Variants in UNC13A observed in about 807,000 individuals in gnomAD.
UNC13A encodes the protein unc-13 homolog A.
A neutral mutation model predicts 219.7 loss-of-function variants in UNC13A; 61 were observed. The ratio of observed to expected loss-of-function variants is 0.28; its 90% CI spans 0.23 to 0.34. The LOEUF (loss-of-function observed/expected upper bound fraction) is 0.34. UNC13A is among the 10% of genes least tolerant of loss of function. The probability of loss-of-function intolerance (pLI) is 1.00; values close to 1 mark genes in which losing one functional copy is unlikely to be tolerated. For missense variants in UNC13A, 1,476 were observed against 2,270.3 expected (o/e 0.65, Z 7.11); for synonymous variants, 920 against 884.6 (o/e 1.04, Z -0.71).
chr19:17,642,968 G>A lies in UNC13A; in HGVS notation c.2357-8C>T. On this transcript the variant is annotated splice_region_variant and splice_polypyrimidine_tract_variant and intron_variant, in intron 19 of 43. Coordinates refer to ENST00000519716, the MANE Select transcript of UNC13A (RefSeq NM_001080421.3). Reference sequence around the variant, plus strand: ...ATTTGTCAGTTCGCTTGTCTGCAGGGCAGAAAAAGAAGACAGTGTCAGAAC... The same window carrying A: ...ATTTGTCAGTTCGCTTGTCTGCAGGACAGAAAAAGAAGACAGTGTCAGAAC... The A allele has an allele frequency of 6.3e-7, 1 of 1,594,408 alleles. No individual in the cohort carries two copies. The highest frequency in any genetic ancestry group is 8.5e-7 in the Non-Finnish European group (1 of 1,169,956).
intron 11 of UNC13A, 67 bp downstream of exon 11, chr19:17,655,207 G>T: frequency 7.4e-7 from 1 of 1,343,478 alleles, no homozygotes; most frequent in Non-Finnish European, 1.0e-6. Flanking sequence ...GCCAAAACAT[G>T]TGTGGGCCTG....
In UNC13A at chr19:17,688,302, G is replaced by A; in HGVS notation, c.-103C>T. 1 of 1,341,288 alleles carries A rather than the reference G, an allele frequency of 7.5e-7. No individual in the cohort carries two copies. The highest frequency in any genetic ancestry group is 9.6e-7 in the Non-Finnish European group (1 of 1,046,216). 83.1% of individuals were successfully genotyped at this position (1,341,288 alleles called of 1,614,324 possible). On this transcript the variant is annotated 5_prime_UTR_variant, in exon 1 of 44. Transcript: ENST00000519716. ...CATCTCCCGGCTGCAGCCCGCGCTT[G>A]GCTCACGCCGGGGCCCGGCCGCCAC...
chr19:17,667,088 T>G (rs1211647846), intron 6 of UNC13A, among the ~76,000 whole-genome samples: 1 of 151,978 alleles, frequency 6.6e-6, no homozygotes, highest in Non-Finnish European at 1.5e-5. Flanking sequence ...CCGTCTCTAC[T>G]AAAAATACAA....
intron 8 of UNC13A, among the ~76,000 whole-genome samples, chr19:17,662,248 A>G (rs2079563714): frequency 6.6e-6 from 1 of 151,570 alleles, no homozygotes; most frequent in Non-Finnish European, 1.5e-5. Flanking sequence ...TCTGTTTCAA[A>G]AAAAAAAAAA....
chr19:17,659,221 T>G (rs1324050328), intron 8 of UNC13A, among the ~76,000 whole-genome samples: 1 of 152,028 alleles, frequency 6.6e-6, no homozygotes, highest in African/African-American at 2.4e-5. Context: ...GGCGGGCAGA[T>G]TACTTGAGGC....
intron 25 of UNC13A, 46 bp from the exon 26 acceptor site, chr19:17,636,203 G>T (rs2076912090): frequency 1.3e-6 from 2 of 1,539,256 alleles, no homozygotes; most frequent in East Asian, 2.4e-5. Context: ...TCCAGAGGTT[G>T]GTGCCTCGGT....
chr19:17,622,106 A>AAGATACAG (rs1275018182), intron 36 of UNC13A, among the ~76,000 whole-genome samples: 1 of 152,058 alleles, frequency 6.6e-6, no homozygotes, highest in Admixed American at 6.6e-5. Flanking sequence ...AAGAGAGAGA[A>AAGATACAG]AGATACAGAT....
rs745567829 is a variant in UNC13A, at chr19:17,601,775, G to A, written c.*4279C>T. ...ATGGCTGGACGGGGGTAAGGGGTGG[G>A]GTGTTACTTGACACAGTCAACTTGA... is the stretch of plus-strand genomic sequence containing the variant. On this transcript the variant is annotated 3_prime_UTR_variant, in exon 44 of 44. Coordinates refer to ENST00000519716, the MANE Select transcript of UNC13A (RefSeq NM_001080421.3). 2.0e-5 allele frequency: 3 copies of A among 152,484 alleles called. No homozygotes were observed. The highest frequency in any genetic ancestry group is 2.9e-5 in the Non-Finnish European group (2 of 68,022). The allele number at this position is 152,484 out of a possible 1,614,324, so 9.4% of individuals were successfully genotyped here.
rs1345265078 is a variant in UNC13A at position 17,604,816 on chromosome 19, T to TAGGC, written c.*1234_*1237dup. The TAGGC allele has an allele frequency of 6.6e-6, 1 of 152,262 alleles. No individual in the cohort carries two copies. Among genetic ancestry groups the TAGGC allele is most frequent in the Non-Finnish European group, 1.5e-5 (1 of 68,070 alleles). 9.4% of individuals were successfully genotyped at this position (152,262 alleles called of 1,614,324 possible). A position where few individuals can be genotyped will look rare whatever the true frequency, so the allele number is the denominator to read the frequency against. On this transcript the variant is annotated 3_prime_UTR_variant, in exon 44 of 44. Coordinates refer to ENST00000519716, the MANE Select transcript of UNC13A (RefSeq NM_001080421.3). ...TGGCTTGGGTGTTTGAATCAATGAA[T>TAGGC]AGGCTCTTGGAGACTAAGCTCTCAC...
chr19:17,679,273 G>T (rs1042338867), intron 1 of UNC13A, among the ~76,000 whole-genome samples: 1 of 151,834 alleles, frequency 6.6e-6, no homozygotes, highest in Admixed American at 6.6e-5. Flanking sequence ...GATGGTGCAC[G>T]CCTGTAGTCC....
At chr19:17,688,126 G>T in intron 1 of UNC13A, 52 bp downstream of exon 1, 4 of 1,518,266 alleles carry the variant, frequency 2.6e-6, no homozygotes, top group South Asian at 1.2e-5. Flanking sequence ...CGCGGACCCC[G>T]ACCCCAGCCC....
At position 17,672,456 on chromosome 19, in the gene UNC13A, C is replaced by A; in HGVS notation, c.192G>T (p.Val64=). 6.2e-7 allele frequency: 1 copy of A among 1,613,884 alleles called. No homozygotes were observed. The highest frequency in any genetic ancestry group is 1.7e-5 in the Admixed American group (1 of 59,982). ...NRLDLGLTVE[V]WNKGLIWDTM... ...TGTCCCAGATGAGACCCTTATTCCA[C>A]ACCTCCACCGTCAGTCCCAAATCCA... Residue 64 remains valine, a synonymous_variant, in exon 4 of 44, where the codon GTG becomes GTT. Coordinates refer to ENST00000519716, the MANE Select transcript of UNC13A (RefSeq NM_001080421.3).
rs148841202 is a variant in UNC13A, at chr19:17,605,414, TC to T, written c.*639del. ...AGCGTGGGGAACCAGAGCCGTCCCC[TC>T]GGCCCCCAGGGTTTGGGCGCCCAAG... On this transcript the variant is annotated 3_prime_UTR_variant, in exon 44 of 44. Coordinates refer to ENST00000519716, the MANE Select transcript of UNC13A (RefSeq NM_001080421.3). The T allele has an allele frequency of 0.015, 2,344 of 152,732 alleles. 26 individuals are homozygous for T. The highest frequency in any genetic ancestry group is 0.057 in the Middle Eastern group (17 of 296). The allele number at this position is 152,732 out of a possible 1,614,324, so 9.5% of individuals were successfully genotyped here.
At chr19:17,676,076 G>A (rs1228609707) in intron 1 of UNC13A, 35 bp from the exon 2 acceptor site, 1 of 1,551,034 alleles carries the variant, frequency 6.4e-7, no homozygotes, top group Non-Finnish European at 8.7e-7. Context: ...AAGGGAGGTG[G>A]GGAGAGATGT....
In UNC13A at chr19:17,688,227, G is replaced by A. The variant is rs1042774106; in HGVS notation, c.-28C>T. On this transcript the variant is annotated 5_prime_UTR_variant, in exon 1 of 44. Coordinates refer to ENST00000519716, the MANE Select transcript of UNC13A (RefSeq NM_001080421.3). ...CTCCGAGCTCGCAGGTGGGCCGGAG[G>A]CGGCCGGGCCGGCTCTGTCGGGTCG... The A allele has an allele frequency of 2.0e-6, 3 of 1,491,948 alleles. No homozygotes were observed. The highest frequency in any genetic ancestry group is 2.7e-6 in the Non-Finnish European group (3 of 1,121,588). 92.4% of individuals were successfully genotyped at this position (1,491,948 alleles called of 1,614,324 possible). A position where few individuals can be genotyped will look rare whatever the true frequency, so the allele number is the denominator to read the frequency against.
chr19:17,635,957 A>G (rs2076909044), intron 26 of UNC13A, 67 bp downstream of exon 26: 1 of 1,521,712 alleles, frequency 6.6e-7, no homozygotes, highest in South Asian at 1.3e-5. Context: ...TTGACACACA[A>G]GACACAAAGT....
At chr19:17,664,114 T>G (rs566471051) in intron 7 of UNC13A, among the ~76,000 whole-genome samples, 1 of 152,268 alleles carries the variant, frequency 6.6e-6, no homozygotes, top group Admixed American at 6.5e-5. Flanking sequence ...CAGTTTTCAA[T>G]GAGAGGAAAG....
chr19:17,644,779 C>T (rs1277312675), intron 19 of UNC13A, among the ~76,000 whole-genome samples: 1 of 152,008 alleles, frequency 6.6e-6, no homozygotes, highest in Non-Finnish European at 1.5e-5. Flanking sequence ...GCAGCCTTTA[C>T]CTCTCAGGCT....
chr19:17,601,822 G>C lies in UNC13A; in HGVS notation c.*4232C>G, dbSNP rs533656354. 1 of 152,610 alleles carries C rather than the reference G, an allele frequency of 6.6e-6. No homozygotes were observed. The highest frequency in any genetic ancestry group is 1.5e-5 in the Non-Finnish European group (1 of 68,044). The allele number at this position is 152,610 out of a possible 1,614,324, so 9.5% of individuals were successfully genotyped here. A position where few individuals can be genotyped will look rare whatever the true frequency, so the allele number is the denominator to read the frequency against. ...TTGATTTTTCTCTGAAACAATAAAA[G>C]GCAAAGAGAAAAGCAACACGTGTCA... On this transcript the variant is annotated 3_prime_UTR_variant, in exon 44 of 44. Coordinates refer to ENST00000519716, the MANE Select transcript of UNC13A (RefSeq NM_001080421.3).
Sources: gnomAD v4.1 joint callset for allele counts (sites outside exome capture counted in the v4.1 genomes callset) on GRCh38, gnomAD v4.1.1 for gene constraint, MANE v1.5 for transcripts, NCBI Gene and HGNC (gene_info 2026-07-23, HGNC 2026-07-21) for gene names.